ZMIZ1: variants seen among roughly 807,000 people sequenced by gnomAD.
The protein encoded by ZMIZ1 is zinc finger MIZ domain-containing protein 1.
Under a neutral mutation model 113.9 loss-of-function variants are expected in ZMIZ1, and 17 were observed. The ratio of observed to expected loss-of-function variants is 0.15; its 90% CI spans 0.10 to 0.22. The LOEUF (loss-of-function observed/expected upper bound fraction) is 0.22. ZMIZ1 is among the 10% of genes least tolerant of loss of function. The pLI is 1.00. For missense variants in ZMIZ1, 1,059 were observed against 1,477.8 expected, an observed-to-expected ratio of 0.72 and a Z score of 4.65; for synonymous variants, 607 against 603.1, an observed-to-expected ratio of 1.01 and a Z score of -0.09.
At chr10:79,080,083 C>T (rs1266401608) in intron 1 of ZMIZ1, among the ~76,000 whole-genome samples, 10 of 152,200 alleles carry the variant, frequency 6.6e-5, no homozygotes, top group Non-Finnish European at 2.9e-5. Context: ...GCTGGCCGGC[C>T]ACTCTGTAAT....
chr10:79,173,859 C>T (rs566782936), intron 4 of ZMIZ1, among the ~76,000 whole-genome samples: 17 of 152,296 alleles, frequency 1.1e-4, no homozygotes, highest in Admixed American at 2.0e-4. Context: ...AATTTGAACG[C>T]GGCTCCATCT....
intron 16 of ZMIZ1, among the ~76,000 whole-genome samples, chr10:79,300,282 G>A (rs967809179): frequency 2.0e-5 from 3 of 152,162 alleles, no homozygotes; most frequent in African/African-American, 4.8e-5. Flanking sequence ...TCAGTGCTGC[G>A]TCCTTGGGGG....
intron 8 of ZMIZ1, among the ~76,000 whole-genome samples, 166 bp downstream of exon 8, chr10:79,277,491 C>G (rs1007069391): frequency 1.3e-5 from 2 of 152,200 alleles, no homozygotes; most frequent in Admixed American, 6.5e-5. Flanking sequence ...CCCTGTTTCT[C>G]CCTCTCAAAC....
At position 79,118,852 on chromosome 10, in the gene ZMIZ1, G is replaced by A. The variant is rs1167646511; in HGVS notation, c.-336-63G>A. On this transcript the variant is annotated intron_variant, in intron 1 of 24. Transcript: ENST00000334512. The surrounding 1 kb of genome is among the most constrained non-coding windows in gnomAD (Gnocchi z 4.1). ...CCAGGACCTAGAGGTCCATGACGTG[G>A]GTGAGGGGCTGCCCGCAGGGTCAGA... The A allele has an allele frequency of 6.6e-6, 1 of 152,390 alleles. No homozygotes were observed. Among genetic ancestry groups the A allele is most frequent in the Non-Finnish European group, 1.5e-5 (1 of 68,120 alleles). 9.4% of individuals were successfully genotyped at this position (152,390 alleles called of 1,614,324 possible).
chr10:79,197,611 TACACAC>T (rs71482719), intron 4 of ZMIZ1, among the ~76,000 whole-genome samples: 4 of 89,994 alleles, frequency 4.4e-5, no homozygotes, highest in Non-Finnish European at 8.2e-5. Context: ...CACACACACA[TACACAC>T]ACACACACAC....
At chr10:79,130,894 TC>T (rs1229042338) in intron 2 of ZMIZ1, among the ~76,000 whole-genome samples, 13 of 152,174 alleles carry the variant, frequency 8.5e-5, no homozygotes, top group African/African-American at 3.1e-4. Flanking sequence ...AGCACCGTCT[TC>T]CAAATGGGGC....
intron 1 of ZMIZ1, among the ~76,000 whole-genome samples, chr10:79,114,506 C>CGTGCGTGTGTGT (rs1554852496): frequency 1.1e-5 from 1 of 93,190 alleles, no homozygotes; most frequent in African/African-American, 4.7e-5. Flanking sequence ...TGTGTGTGTG[C>CGTGCGTGTGTGT]GTGTGTGTGT....
rs564892871 is a variant in ZMIZ1 at position 79,298,723 on chromosome 10, A to G, written c.1666+143A>G. The G allele has an allele frequency of 3.1e-5, 25 of 817,156 alleles. No homozygotes were observed. In the African/African-American group the frequency reaches 4.3e-4, roughly 14 times the overall value. 50.6% of individuals were successfully genotyped at this position (817,156 alleles called of 1,614,324 possible). On this transcript the variant is annotated intron_variant, in intron 15 of 24. Transcript: ENST00000334512. Reference sequence around the variant, plus strand: ...GAGCAGGTGAGATACCCAGGGGCACACTCAAGGCGGGGTAGGCAGCTCACA... The same window carrying G: ...GAGCAGGTGAGATACCCAGGGGCACGCTCAAGGCGGGGTAGGCAGCTCACA...
chr10:79,254,139 C>T (rs1257223426), intron 7 of ZMIZ1, among the ~76,000 whole-genome samples: 1 of 152,230 alleles, frequency 6.6e-6, no homozygotes, highest in East Asian at 1.9e-4. Context: ...GATTGTTCCA[C>T]TTCTGAGGTT....
Position 79,303,659 on chromosome 10 carries a change from G to T in ZMIZ1, c.2126-356G>T, listed in dbSNP as rs144743347. On this transcript the variant is annotated intron_variant, in intron 18 of 24. Transcript: ENST00000334512. ...GAGTGAAGTGCAGGAGTGCCTGAGG[G>T]GGCTTTTCACTGACCCAGTAAATCA... Among the ~76,000 whole-genome samples the T allele has an allele frequency of 3.6e-3, 552 of 152,180 alleles. 1 individual carries two copies. The highest frequency in any genetic ancestry group is 5.4e-3 in the Non-Finnish European group (366 of 68,004).
intron 1 of ZMIZ1, among the ~76,000 whole-genome samples, chr10:79,114,477 C>CG (rs1564658303): frequency 6.2e-5 from 4 of 64,922 alleles, no homozygotes; most frequent in African/African-American, 2.1e-4. Flanking sequence ...GTGTGTGTGT[C>CG]TGTGTGTGTG....
At chr10:79,208,260 C>A in intron 5 of ZMIZ1, 76 bp from the exon 6 acceptor site, 1 of 1,337,272 alleles carries the variant, frequency 7.5e-7, no homozygotes, top group Non-Finnish European at 1.1e-6. Flanking sequence ...GGGTTCTTCC[C>A]ACCCCAGACC....
At chr10:79,278,635 T>G (rs1448624019) in intron 8 of ZMIZ1, among the ~76,000 whole-genome samples, 1 of 151,596 alleles carries the variant, frequency 6.6e-6, no homozygotes, top group East Asian at 1.9e-4. Context: ...GGAGTGGTGA[T>G]GACTCTTAAC....
intron 1 of ZMIZ1, among the ~76,000 whole-genome samples, chr10:79,077,397 C>A (rs1842508332): frequency 6.6e-6 from 1 of 150,390 alleles, no homozygotes; most frequent in Admixed American, 6.7e-5. Flanking sequence ...TTATTTTCCA[C>A]ATGGGGAAAC....
At chr10:79,233,667 C>T (rs1200062000) in intron 7 of ZMIZ1, among the ~76,000 whole-genome samples, 1 of 152,152 alleles carries the variant, frequency 6.6e-6, no homozygotes, top group East Asian at 1.9e-4. Context: ...GATTTTTTTC[C>T]CCTCCTGGAG....
intron 4 of ZMIZ1, among the ~76,000 whole-genome samples, chr10:79,177,208 G>A (rs771013078): frequency 5.3e-5 from 8 of 152,166 alleles, no homozygotes; most frequent in Non-Finnish European, 7.4e-5. Context: ...AGCTGGCCTC[G>A]CTCTCAGGAA....
chr10:79,163,393 C>G (rs1046529026), intron 4 of ZMIZ1, among the ~76,000 whole-genome samples: 3 of 152,248 alleles, frequency 2.0e-5, no homozygotes, highest in African/African-American at 7.2e-5. Context: ...AGCCAGCTTT[C>G]TCATCTGAAA....
At chr10:79,282,628 C>T (rs1211683532) in intron 8 of ZMIZ1, among the ~76,000 whole-genome samples, 1 of 152,212 alleles carries the variant, frequency 6.6e-6, no homozygotes, top group Non-Finnish European at 1.5e-5. Flanking sequence ...CTGTGCCTCC[C>T]AGCAAGACCC....
intron 4 of ZMIZ1, among the ~76,000 whole-genome samples, chr10:79,164,970 C>G (rs2132506154): frequency 6.6e-6 from 1 of 152,254 alleles, no homozygotes; most frequent in South Asian, 2.1e-4. Context: ...TGCCTGCTCC[C>G]CGCTGACTGG....
Sources: gnomAD v4.1 joint callset for allele counts (sites outside exome capture counted in the v4.1 genomes callset) on GRCh38, gnomAD v4.1.1 for gene constraint, Gnocchi (gnomAD v3.1) non-coding constraint, MANE v1.5 for transcripts, NCBI Gene and HGNC (gene_info 2026-07-23, HGNC 2026-07-21) for gene names.